SELENOV: variants seen among roughly 807,000 people sequenced by gnomAD.
The protein encoded by SELENOV is selenoprotein V.
A neutral mutation model predicts 21.6 loss-of-function variants in SELENOV; 25 were observed. The ratio of observed to expected loss-of-function variants is 1.16; its 90% CI spans 0.84 to 1.62. SELENOV has a LOEUF of 1.62. SELENOV is among the 40% of genes most tolerant of loss of function. The probability of loss-of-function intolerance (pLI) is 0.00; values close to 1 mark genes in which losing one functional copy is unlikely to be tolerated. For missense variants in SELENOV, 472 were observed against 459.0 expected (o/e 1.03, Z -0.26); for synonymous variants, 227 against 216.9 (o/e 1.05, Z -0.41).
chr19:39,516,857 G>A (rs997037058), intron 1 of SELENOV, among the ~76,000 whole-genome samples: 4 of 146,950 alleles, frequency 2.7e-5, no homozygotes, highest in South Asian at 2.2e-4. Flanking sequence ...CACCACGCCC[G>A]GCTAATTTTG....
rs768364046 is a variant in SELENOV, at chr19:39,515,380, G to A, written c.168G>A (p.Gly56=). The A allele has an allele frequency of 3.9e-6, 6 of 1,551,388 alleles. No individual in the cohort carries two copies. The highest frequency in any genetic ancestry group is 2.0e-5 in the Admixed American group (1 of 50,964). ...CAGTCCTGACTCCGTCTCCAGCCGGGACTTCCCCTCTGGTCCTGACTCCTG... is the reference window on the plus strand; with the variant it reads ...CAGTCCTGACTCCGTCTCCAGCCGGAACTTCCCCTCTGGTCCTGACTCCTG... Residue 56 remains glycine, a synonymous_variant, in exon 1 of 6, where the codon GGG becomes GGA. Coordinates refer to ENST00000335426, the Ensembl canonical transcript of SELENOV. This position sits in a 1 kb window ranked among gnomAD's most constrained non-coding sequence, Gnocchi z 5.1.
At position 39,515,853 on chromosome 19, in the gene SELENOV, A is replaced by T. The variant is rs1328456791; in HGVS notation, c.641A>T (p.Asp214Val). 1.3e-6 allele frequency: 2 copies of T among 1,552,614 alleles called. No homozygotes were observed. Among genetic ancestry groups the T allele is most frequent in the Non-Finnish European group, 8.7e-7 (1 of 1,148,130 alleles). ...ACCCTGGACTTCACCTTCAGGGCAG[A>T]CCCGTCGGCCATCGGGCTGGCGGAT... Residue 214 changes from aspartate (D) to valine (V), a missense_variant, in exon 1 of 6, where the codon GAC becomes GTC. By Grantham distance (152) the Asp-to-Val change is radical. Coordinates refer to ENST00000335426, the Ensembl canonical transcript of SELENOV. The surrounding 1 kb of genome is among the most constrained non-coding windows in gnomAD (Gnocchi z 5.1).
chr19:39,516,496 C>G (rs1334630102), intron 1 of SELENOV, among the ~76,000 whole-genome samples: 1 of 151,928 alleles, frequency 6.6e-6, no homozygotes, highest in Non-Finnish European at 1.5e-5. Context: ...CACTCTCTGT[C>G]TCTCTGTCTC....
chr19:39,518,207 C>A (rs1213926003), intron 1 of SELENOV, among the ~76,000 whole-genome samples: 1 of 148,104 alleles, frequency 6.8e-6, no homozygotes, highest in Non-Finnish European at 1.5e-5. Flanking sequence ...GGAGGCGGAG[C>A]TTGCAGTGAG....
At chr19:39,518,453 C>T (rs927582273) in intron 1 of SELENOV, 155 bp from the exon 2 acceptor site, 2 of 742,050 alleles carry the variant, frequency 2.7e-6, no homozygotes, top group South Asian at 1.7e-5. Flanking sequence ...ACTGGTTTTT[C>T]CCCTGCGTGA....
intron 1 of SELENOV, among the ~76,000 whole-genome samples, chr19:39,517,319 C>T (rs777066490): frequency 4.5e-4 from 68 of 152,128 alleles, no homozygotes; most frequent in Admixed American, 9.2e-4. Context: ...TACTTCTTCA[C>T]CACCCACCAT....
intron 5 of SELENOV, among the ~76,000 whole-genome samples, chr19:39,519,739 G>A (rs1445823968): frequency 6.6e-6 from 1 of 151,746 alleles, no homozygotes; most frequent in African/African-American, 2.4e-5. Context: ...GCCGAGGCGG[G>A]CGGGTCACGA....
intron 1 of SELENOV, 108 bp from the exon 2 acceptor site, chr19:39,518,500 C>A: frequency 9.2e-7 from 1 of 1,086,166 alleles, no homozygotes; most frequent in Non-Finnish European, 1.4e-6. Flanking sequence ...AGGGGAGGAA[C>A]ATGATCTAAC....
At position 39,515,633 on chromosome 19, in the gene SELENOV, T is replaced by A. The variant is rs755522554; in HGVS notation, c.421T>A (p.Leu141Met). ...AGGGATTCGGGCCGCGCTCCCCGTC[T>A]TGGACTCCTACCTGGCCCCGGCCCT... The change falls in exon 1 of 6, where the codon TTG becomes ATG. Residue 141 changes from leucine to methionine, a missense_variant. Transcript: ENST00000335426. This position sits in a 1 kb window ranked among gnomAD's most constrained non-coding sequence, Gnocchi z 5.1. 3 of 1,548,334 alleles carry A rather than the reference T, an allele frequency of 1.9e-6. No homozygotes were observed. In the South Asian group the frequency reaches 3.6e-5, roughly 18 times the overall value.
exon 6 of SELENOV, chr19:39,520,564 C>G (rs1274981211): frequency 6.6e-6 from 1 of 152,186 alleles, no homozygotes; most frequent in Non-Finnish European, 1.5e-5. Context: ...ACCCGTGACA[C>G]TCCAAACTCG....
At chr19:39,518,010 C>G (rs1443241780) in intron 1 of SELENOV, among the ~76,000 whole-genome samples, 1 of 133,592 alleles carries the variant, frequency 7.5e-6, no homozygotes, top group Admixed American at 8.0e-5. Flanking sequence ...CGGTGGCTCA[C>G]GCCTGTAATT....
rs759914209 is a variant in SELENOV at position 39,515,242 on chromosome 19, C to A, written c.30C>A (p.Pro10=). 5 of 1,550,006 alleles carry A rather than the reference C, an allele frequency of 3.2e-6. No homozygotes were observed. The South Asian group carries it at 5.9e-5, about 18-fold the overall frequency. Residue 10 remains proline, a synonymous_variant, in exon 1 of 6, where the codon CCC becomes CCA. Transcript: ENST00000335426. This position sits in a 1 kb window ranked among gnomAD's most constrained non-coding sequence, Gnocchi z 5.1. ...ATAACCAGGCGCGGACCCCAGCCCC[C>A]TCCTCGGCGCGGACTTCAACCTCAG...
At chr19:39,518,427 G>T (rs1011657234) in intron 1 of SELENOV, 181 bp from the exon 2 acceptor site, 11 of 646,218 alleles carry the variant, frequency 1.7e-5, no homozygotes, top group Non-Finnish European at 3.1e-5. Context: ...GTGGTGGCTT[G>T]CAGGCCACGG....
chr19:39,516,255 C>A, intron 1 of SELENOV: 1 of 678,748 alleles, frequency 1.5e-6, no homozygotes, highest in Non-Finnish European at 2.7e-6. Flanking sequence ...TCATTCGTTT[C>A]TGAGTGCCCC....
intron 1 of SELENOV, among the ~76,000 whole-genome samples, chr19:39,518,303 A>AAGAG (rs901653025): frequency 1.3e-5 from 2 of 150,358 alleles, no homozygotes; most frequent in East Asian, 1.9e-4. Flanking sequence ...ACAAAAAAAA[A>AAGAG]AGAGAGAGAG....
At position 39,515,113 on chromosome 19, in the gene SELENOV, C is replaced by A; in HGVS notation, c.-100C>A. ...GGTGTAACAGAGCCCCCAGTGGTCG[C>A]GCCGCGTCTCAGAACCCGGTGCGGG... On this transcript the variant is annotated 5_prime_UTR_variant, in exon 1 of 6. Coordinates refer to ENST00000335426, the Ensembl canonical transcript of SELENOV. This position sits in a 1 kb window ranked among gnomAD's most constrained non-coding sequence, Gnocchi z 5.1. 1.3e-6 allele frequency: 1 copy of A among 752,150 alleles called. No homozygotes were observed. Among genetic ancestry groups the A allele is most frequent in the Non-Finnish European group, 2.1e-6 (1 of 468,422 alleles). The allele number at this position is 752,150 out of a possible 1,614,324, so 46.6% of individuals were successfully genotyped here.
At chr19:39,517,044 G>A (rs1007801328) in intron 1 of SELENOV, among the ~76,000 whole-genome samples, 32 of 150,824 alleles carry the variant, frequency 2.1e-4, no homozygotes, top group Admixed American at 2.0e-4. Context: ...GATGGGGTGC[G>A]GGGGCAGTAT....
intron 1 of SELENOV, among the ~76,000 whole-genome samples, chr19:39,518,294 C>CAAAAAAAAAAAAAAAAAAA (rs56055153): frequency 2.8e-5 from 3 of 107,180 alleles, no homozygotes; most frequent in Admixed American, 1.9e-4. Context: ...AACAAAAAAA[C>CAAAAAAAAAAAAAAAAAAA]AAAAAAAAAA....
chr19:39,515,228 CG>C lies in SELENOV; in HGVS notation c.18del (p.Thr7ProfsTer40), dbSNP rs1568454053. The C allele has an allele frequency of 1.3e-6, 2 of 1,549,060 alleles. No individual in the cohort carries two copies. Among genetic ancestry groups the C allele is most frequent in the South Asian group, 2.4e-5 (2 of 84,018 alleles). On this transcript the variant is annotated frameshift_variant, in exon 1 of 6. Coordinates refer to ENST00000335426, the Ensembl canonical transcript of SELENOV. LOFTEE classifies it high-confidence loss of function. The surrounding 1 kb of genome is among the most constrained non-coding windows in gnomAD (Gnocchi z 5.1). Reference sequence around the variant, plus strand: ...CCTGGGCCCCATGAATAACCAGGCGCGGACCCCAGCCCCCTCCTCGGCGCGG... The same window carrying C: ...CCTGGGCCCCATGAATAACCAGGCGCGACCCCAGCCCCCTCCTCGGCGCGG...
Sources: allele counts gnomAD v4.1 joint callset (sites outside exome capture counted in the v4.1 genomes callset), GRCh38; gene constraint gnomAD v4.1.1; non-coding constraint Gnocchi (gnomAD v3.1); transcripts MANE v1.5; gene names NCBI Gene and HGNC (gene_info 2026-07-23, HGNC 2026-07-21).